Variants in ASIC2 observed in about 807,000 individuals in gnomAD.
ASIC2 encodes acid-sensing ion channel 2.
ASIC2 carries 25 observed loss-of-function variants against 57.3 expected under a neutral mutation model. That is an observed-to-expected ratio of 0.44 (90% CI 0.32 to 0.61). ASIC2 has a LOEUF of 0.61. Ranked by LOEUF, ASIC2 falls within the 20% of genes least tolerant of loss-of-function variation. The pLI is 0.06. For missense variants in ASIC2, 641 were observed against 738.1 expected, an observed-to-expected ratio of 0.87 and a Z score of 1.52; for synonymous variants, 319 against 307.5, an observed-to-expected ratio of 1.04 and a Z score of -0.39.
chr17:33,997,473 A>G (rs1430584234), intron 1 of ASIC2, among the ~76,000 whole-genome samples: 1 of 151,798 alleles, frequency 6.6e-6, no homozygotes, highest in Non-Finnish European at 1.5e-5. Context: ...TTTCTTTTAG[A>G]TATTTTTTTC....
intron 1 of ASIC2, among the ~76,000 whole-genome samples, chr17:33,655,884 G>A (rs1329539093): frequency 1.3e-5 from 2 of 152,092 alleles, no homozygotes; most frequent in Admixed American, 6.5e-5. Flanking sequence ...TTCCTTTTAA[G>A]CTTCTCAAGT....
At chr17:33,176,845 T>C (rs1204985779) in intron 1 of ASIC2, among the ~76,000 whole-genome samples, 1 of 152,122 alleles carries the variant, frequency 6.6e-6, no homozygotes, top group Non-Finnish European at 1.5e-5. Flanking sequence ...CCCTGAGCAC[T>C]GTAGAATGGC....
At chr17:34,139,958 T>A (rs1328162782) in intron 1 of ASIC2, among the ~76,000 whole-genome samples, 1 of 152,164 alleles carries the variant, frequency 6.6e-6, no homozygotes, top group Non-Finnish European at 1.5e-5. Flanking sequence ...TGATGTGGAT[T>A]GGGGGGGTGA....
intron 1 of ASIC2, among the ~76,000 whole-genome samples, chr17:33,957,669 C>T (rs369403973): frequency 2.0e-4 from 31 of 152,110 alleles, no homozygotes; most frequent in Non-Finnish European, 3.5e-4. Context: ...TCCCATGACA[C>T]GTGGGGATTA....
At chr17:34,127,194 T>A (rs7207988) in intron 1 of ASIC2, among the ~76,000 whole-genome samples, 3 of 151,944 alleles carry the variant, frequency 2.0e-5, no homozygotes, top group African/African-American at 7.3e-5. Flanking sequence ...GGCCAGGGGG[T>A]CAAAGGAGGC....
At chr17:33,827,397 T>A (rs900768217) in intron 1 of ASIC2, among the ~76,000 whole-genome samples, 15 of 134,442 alleles carry the variant, frequency 1.1e-4, no homozygotes, top group Admixed American at 6.5e-4. Context: ...AGTGGCTTGA[T>A]CTTGACTCAC....
intron 1 of ASIC2, among the ~76,000 whole-genome samples, chr17:33,647,461 C>A (rs1395663915): frequency 6.6e-6 from 1 of 152,158 alleles, no homozygotes; most frequent in Non-Finnish European, 1.5e-5. Context: ...CAGGAGAGAA[C>A]TCTGCTGGGC....
At chr17:33,041,961 C>T (rs1355826902) in intron 3 of ASIC2, among the ~76,000 whole-genome samples, 3 of 152,194 alleles carry the variant, frequency 2.0e-5, no homozygotes, top group Admixed American at 6.5e-5. Context: ...CAGCTCCCCT[C>T]TTTTTCCTGC....
chr17:33,113,643 C>T (rs897436148), intron 1 of ASIC2, among the ~76,000 whole-genome samples: 5 of 152,194 alleles, frequency 3.3e-5, no homozygotes, highest in African/African-American at 7.2e-5. Flanking sequence ...TAAATCTTTA[C>T]GGCTAGTTAG....
At chr17:33,691,360 A>G (rs2142063819) in intron 1 of ASIC2, among the ~76,000 whole-genome samples, 1 of 152,278 alleles carries the variant, frequency 6.6e-6, no homozygotes, top group East Asian at 1.9e-4. Flanking sequence ...CATGAAAGCA[A>G]CTATTTCCCC....
intron 1 of ASIC2, among the ~76,000 whole-genome samples, chr17:33,190,428 C>T (rs988828984): frequency 6.6e-6 from 1 of 152,032 alleles, no homozygotes; most frequent in Admixed American, 6.6e-5. Context: ...ATGCTATTGA[C>T]AGGAAGATTA....
chr17:33,246,624 T>C (rs1238084118), intron 1 of ASIC2, among the ~76,000 whole-genome samples: 4 of 152,228 alleles, frequency 2.6e-5, no homozygotes, highest in Non-Finnish European at 5.9e-5. Context: ...GAATCCCTCC[T>C]GAGCTAAGTG....
At chr17:33,836,127 T>C (rs1913267853) in intron 1 of ASIC2, among the ~76,000 whole-genome samples, 1 of 147,538 alleles carries the variant, frequency 6.8e-6, no homozygotes, top group African/African-American at 2.5e-5. Context: ...TTTTTTTTTT[T>C]TTTTTTTTTG....
intron 1 of ASIC2, among the ~76,000 whole-genome samples, chr17:33,441,214 G>A (rs1222598301): frequency 6.6e-6 from 1 of 152,102 alleles, no homozygotes; most frequent in East Asian, 1.9e-4. Context: ...GGACTCAAGT[G>A]GTCCTCCCAC....
At chr17:33,102,540 T>C (rs549665690) in intron 2 of ASIC2, among the ~76,000 whole-genome samples, 3 of 152,320 alleles carry the variant, frequency 2.0e-5, no homozygotes. Flanking sequence ...GGATTTTTGT[T>C]ATATTAGTCC....
At chr17:33,715,304 T>C (rs1017748996) in intron 1 of ASIC2, among the ~76,000 whole-genome samples, 1 of 152,186 alleles carries the variant, frequency 6.6e-6, no homozygotes, top group Non-Finnish European at 1.5e-5. Context: ...GCATAGCCCA[T>C]TTTTAAACTT....
chr17:33,299,425 C>T (rs916761859), intron 1 of ASIC2, among the ~76,000 whole-genome samples: 1 of 152,166 alleles, frequency 6.6e-6, no homozygotes, highest in Non-Finnish European at 1.5e-5. Context: ...ACTCATTGCA[C>T]ATGGATATTC....
chr17:33,364,264 C>A (rs1431403733), intron 1 of ASIC2, among the ~76,000 whole-genome samples: 1 of 152,170 alleles, frequency 6.6e-6, no homozygotes, highest in Non-Finnish European at 1.5e-5. Context: ...CACAGTTTCT[C>A]ATTCTGATCA....
In ASIC2 at chr17:33,230,255, C is replaced by T. The variant is rs577896772; in HGVS notation, c.708+61153G>A. Reference sequence around the variant, plus strand: ...AAGTGATAGAAGCCAGCTATGGGCTCTGACTTCTGCTATATTAACTCAATA... The same window carrying T: ...AAGTGATAGAAGCCAGCTATGGGCTTTGACTTCTGCTATATTAACTCAATA... On this transcript the variant is annotated intron_variant, in intron 1 of 9. Transcript: ENST00000225823. Among the ~76,000 whole-genome samples, 7 of 152,390 alleles carry T rather than the reference C, an allele frequency of 4.6e-5. No individual in the cohort carries two copies. The South Asian group carries it at 1.2e-3, about 27-fold the overall frequency.
Sources: gnomAD v4.1 joint callset for allele counts (sites outside exome capture counted in the v4.1 genomes callset) on GRCh38, gnomAD v4.1.1 for gene constraint, MANE v1.5 for transcripts, NCBI Gene and HGNC (gene_info 2026-07-23, HGNC 2026-07-21) for gene names.